Variants in LRRC63 observed in about 807,000 individuals in gnomAD.
LRRC63 encodes leucine-rich repeat-containing protein 63.
In LRRC63, 40 loss-of-function variants were observed where a neutral mutation model predicts 49.5. That is an observed-to-expected ratio of 0.81 (90% CI 0.63 to 1.05). The LOEUF is 1.05. Ranked by LOEUF, LRRC63 falls within the 50% of genes least tolerant of loss-of-function variation. The probability of loss-of-function intolerance (pLI) is 0.00; values close to 1 mark genes in which losing one functional copy is unlikely to be tolerated. For missense variants in LRRC63, 636 were observed against 663.1 expected (o/e 0.96, Z 0.45); for synonymous variants, 191 against 221.1 (o/e 0.86, Z 1.21).
intron 4 of LRRC63, 73 bp downstream of exon 4, chr13:46,228,806 T>G: frequency 9.3e-7 from 1 of 1,069,748 alleles, no homozygotes; most frequent in Non-Finnish European, 1.4e-6. Context: ...TATGGGTGAT[T>G]TTTTGTGTTT....
intron 8 of LRRC63, among the ~76,000 whole-genome samples, chr13:46,264,442 TTAG>T (rs1203614095): frequency 7.8e-5 from 11 of 141,454 alleles, no homozygotes; most frequent in African/African-American, 3.1e-4. Context: ...ATTTATTTAG[TTAG>T]TTAGTTAGTT....
At chr13:46,246,089 A>T (rs1281936432) in intron 5 of LRRC63, among the ~76,000 whole-genome samples, 2 of 152,036 alleles carry the variant, frequency 1.3e-5, no homozygotes, top group Non-Finnish European at 2.9e-5. Flanking sequence ...TTAGTTTCAA[A>T]GTGTGTGGCA....
chr13:46,251,472 A>G (rs1467954955), intron 7 of LRRC63, among the ~76,000 whole-genome samples: 1 of 151,846 alleles, frequency 6.6e-6, no homozygotes, highest in African/African-American at 2.4e-5. Context: ...CACAGTACAT[A>G]AACTGTATTT....
At chr13:46,220,207 G>A (rs1345553045) in intron 2 of LRRC63, among the ~76,000 whole-genome samples, 2 of 152,190 alleles carry the variant, frequency 1.3e-5, no homozygotes, top group Non-Finnish European at 2.9e-5. Context: ...TGCACCCATG[G>A]CCGCCTCTTC....
chr13:46,258,755 G>A (rs960874294), intron 7 of LRRC63, among the ~76,000 whole-genome samples: 1 of 139,368 alleles, frequency 7.2e-6, no homozygotes, highest in Non-Finnish European at 1.5e-5. Flanking sequence ...GTTGCAGTGA[G>A]CCAAGATCAC....
intron 5 of LRRC63, among the ~76,000 whole-genome samples, chr13:46,243,773 G>A (rs67825564): frequency 0.051 from 7,824 of 152,214 alleles, 328 homozygotes; most frequent in Admixed American, 0.081. Flanking sequence ...CACTGCACCC[G>A]GCCCTTGGTT....
chr13:46,217,542 C>G (rs923105986), intron 2 of LRRC63, among the ~76,000 whole-genome samples: 1 of 151,768 alleles, frequency 6.6e-6, no homozygotes, highest in Non-Finnish European at 1.5e-5. Context: ...TTTTGTTACT[C>G]TTTTCAAAAA....
intron 4 of LRRC63, among the ~76,000 whole-genome samples, chr13:46,232,826 A>T (rs2046803231): frequency 6.6e-6 from 1 of 152,228 alleles, no homozygotes; most frequent in African/African-American, 2.4e-5. Flanking sequence ...TTAGAGTTTC[A>T]AATGGATTTA....
At chr13:46,237,553 C>A (rs2046937806) in intron 5 of LRRC63, among the ~76,000 whole-genome samples, 1 of 151,654 alleles carries the variant, frequency 6.6e-6, no homozygotes, top group South Asian at 2.1e-4. Flanking sequence ...AGAAAGAGAG[C>A]AAACTAAATC....
chr13:46,212,330 C>G (rs1593983732), intron 1 of LRRC63, 71 bp downstream of exon 1: 1 of 152,252 alleles, frequency 6.6e-6, no homozygotes, highest in South Asian at 2.1e-4. Flanking sequence ...CCGTGCCAGG[C>G]ACTTTTGATG....
At chr13:46,257,663 G>T (rs1453721948) in intron 7 of LRRC63, among the ~76,000 whole-genome samples, 1 of 152,082 alleles carries the variant, frequency 6.6e-6, no homozygotes, top group Admixed American at 6.5e-5. Flanking sequence ...CAAAGTGGGG[G>T]TTTGTGATGT....
chr13:46,224,394 C>T (rs933705513), intron 2 of LRRC63, among the ~76,000 whole-genome samples: 2 of 152,054 alleles, frequency 1.3e-5, no homozygotes, highest in African/African-American at 4.8e-5. Flanking sequence ...TTCTTCAGCT[C>T]CAGAATTTCT....
At chr13:46,245,738 A>T (rs2047195430) in intron 5 of LRRC63, among the ~76,000 whole-genome samples, 1 of 152,220 alleles carries the variant, frequency 6.6e-6, no homozygotes, top group African/African-American at 2.4e-5. Flanking sequence ...TTTCAGATAG[A>T]TGCTAGAGTA....
rs34967125 is a variant in LRRC63, at chr13:46,273,911, C to CAAAAA, written c.1551-2665_1551-2661dup. Among the ~76,000 whole-genome samples the CAAAAA allele has an allele frequency of 4.3e-3, 431 of 100,746 alleles. 5 individuals are homozygous for CAAAAA. The highest frequency in any genetic ancestry group is 0.014 in the African/African-American group (398 of 29,000). The allele number at this position is 100,746 out of a possible 152,430, so 66.1% of individuals were successfully genotyped here. On this transcript the variant is annotated intron_variant, in intron 9 of 9. Transcript: ENST00000595396. ...TGGGTGACAGAGCAAGACTCTGTCT[C>CAAAAA]AAAAAAAAAAAAAAAAAAGTACCAA...
In LRRC63 at chr13:46,257,795, T is replaced by C. The variant is rs751940123; in HGVS notation, c.1227-4114T>C. ...AGATACATATTTTTTCTAGATATTATCTAACATAGAAAAATGGTTGTTTAT... is the reference window on the plus strand; with the variant it reads ...AGATACATATTTTTTCTAGATATTACCTAACATAGAAAAATGGTTGTTTAT... On this transcript the variant is annotated intron_variant, in intron 7 of 9. Transcript: ENST00000595396. Among the ~76,000 whole-genome samples the C allele has an allele frequency of 3.0e-4, 46 of 152,230 alleles. 1 individual carries two copies. The highest frequency in any genetic ancestry group is 1.0e-4 in the Non-Finnish European group (7 of 68,040).
In LRRC63 at chr13:46,262,828, ATG is replaced by A. The variant is rs1263600018; in HGVS notation, c.1310+838_1310+839del. 1.2e-4 allele frequency among the ~76,000 whole-genome samples: 19 copies of A among 152,328 alleles called. 1 individual carries two copies. The highest frequency in any genetic ancestry group is 4.6e-4 in the African/African-American group (19 of 41,596). On this transcript the variant is annotated intron_variant, in intron 8 of 9. Coordinates refer to ENST00000595396, the Ensembl canonical transcript of LRRC63. ...TGTCAGTACAGAATAGAGAAAAACT[ATG>A]TACTTCTTTACATTAACTTAAAACT... is the stretch of plus-strand genomic sequence containing the variant.
chr13:46,235,135 A>G (rs984715050), intron 5 of LRRC63, among the ~76,000 whole-genome samples: 7 of 152,140 alleles, frequency 4.6e-5, no homozygotes, highest in African/African-American at 1.7e-4. Flanking sequence ...ATGCAGTACA[A>G]GCAGGAAGTA....
chr13:46,248,949 G>A (rs1315816848), intron 6 of LRRC63, among the ~76,000 whole-genome samples: 2 of 151,652 alleles, frequency 1.3e-5, no homozygotes, highest in East Asian at 3.9e-4. Flanking sequence ...TCTATTTTTG[G>A]CTACAATAGA....
At chr13:46,234,132 C>A in intron 4 of LRRC63, 60 bp from the exon 5 acceptor site, 1 of 1,431,882 alleles carries the variant, frequency 7.0e-7, no homozygotes, top group Non-Finnish European at 9.5e-7. Context: ...TACCTCTTAA[C>A]TTTCATTCTA....
Sources: allele counts gnomAD v4.1 joint callset (sites outside exome capture counted in the v4.1 genomes callset), GRCh38; gene constraint gnomAD v4.1.1; transcripts MANE v1.5; gene names NCBI Gene and HGNC (gene_info 2026-07-23, HGNC 2026-07-21).